Variants in GRM7 observed in about 807,000 individuals in gnomAD.
GRM7 encodes the protein glutamate metabotropic receptor 7.
GRM7 carries 35 observed loss-of-function variants against 84.5 expected under a neutral mutation model. That is an observed-to-expected ratio of 0.41 (90% CI 0.32 to 0.55). The LOEUF (loss-of-function observed/expected upper bound fraction) is 0.55, where lower values mean the gene tolerates loss of function less well. GRM7 is among the 20% of genes least tolerant of loss of function. GRM7 has a pLI of 0.19. For synonymous variants in GRM7, 487 were observed against 455.1 expected, an observed-to-expected ratio of 1.07 and a Z score of -0.89; for missense variants, 1,003 against 1,194.6, an observed-to-expected ratio of 0.84 and a Z score of 2.36.
intron 4 of GRM7, among the ~76,000 whole-genome samples, chr3:7,350,811 T>A (rs967954629): frequency 1.4e-4 from 21 of 152,144 alleles, no homozygotes; most frequent in Admixed American, 6.6e-4. Context: ...CCAAACAAAG[T>A]AAACCAGAGA....
rs557344412 is a variant in GRM7, at chr3:7,397,826, A to G, written c.1034-17197A>G. ...CTTGGGGGCTGGTGGTGGTACAGTT[A>G]GGGAATCTAGTAGGTGGAGGCCAGA... On this transcript the variant is annotated intron_variant, in intron 4 of 9. Transcript: ENST00000357716. 7.1e-4 allele frequency among the ~76,000 whole-genome samples: 108 copies of G among 152,240 alleles called. 1 individual carries two copies. The highest frequency in any genetic ancestry group is 2.6e-3 in the African/African-American group (106 of 41,548).
intron 5 of GRM7, among the ~76,000 whole-genome samples, chr3:7,448,710 G>A (rs1217459372): frequency 6.6e-6 from 1 of 152,088 alleles, no homozygotes; most frequent in Non-Finnish European, 1.5e-5. Flanking sequence ...TAATACGTAA[G>A]TCTTCTCAGA....
At chr3:7,475,276 C>A (rs1698875735) in intron 7 of GRM7, among the ~76,000 whole-genome samples, 1 of 152,158 alleles carries the variant, frequency 6.6e-6, no homozygotes, top group Non-Finnish European at 1.5e-5. Context: ...TTTATCTTAG[C>A]AGGGAACTTG....
At chr3:7,146,726 G>T in intron 2 of GRM7, 58 bp downstream of exon 2, 3 of 1,236,884 alleles carry the variant, frequency 2.4e-6, no homozygotes, top group East Asian at 4.7e-5. Context: ...GGCTTGTAGA[G>T]TTCTCTTCAA....
At position 6,861,802 on chromosome 3, in the gene GRM7, C is replaced by T. The variant is rs909354514; in HGVS notation, c.414C>T (p.Asn138=). 1 of 1,614,174 alleles carries T rather than the reference C, an allele frequency of 6.2e-7. No homozygotes were observed. Among genetic ancestry groups the T allele is most frequent in the Non-Finnish European group, 8.5e-7 (1 of 1,180,040 alleles). Residue 138 remains asparagine, a synonymous_variant, in exon 1 of 10, where the codon AAC becomes AAT. Transcript: ENST00000357716. This position sits in a 1 kb window ranked among gnomAD's most constrained non-coding sequence, Gnocchi z 6.4. ...QKDTSDVRCT[N]GEPPVFVKPE... ...ACACCTCCGACGTGCGCTGCACCAA[C>T]GGCGAACCGCCGGTTTTCGTCAAGC...
chr3:7,128,383 A>C (rs1693473392), intron 1 of GRM7, among the ~76,000 whole-genome samples: 1 of 151,808 alleles, frequency 6.6e-6, no homozygotes, highest in Non-Finnish European at 1.5e-5. Flanking sequence ...TCATTGCCTC[A>C]CGATGAAAGG....
chr3:6,900,885 T>A (rs568304543), intron 1 of GRM7, among the ~76,000 whole-genome samples: 1 of 152,322 alleles, frequency 6.6e-6, no homozygotes, highest in South Asian at 2.1e-4. Flanking sequence ...TGTGGCTATT[T>A]TTACAAGATC....
At chr3:6,915,609 T>C (rs1440022676) in intron 1 of GRM7, among the ~76,000 whole-genome samples, 2 of 152,246 alleles carry the variant, frequency 1.3e-5, no homozygotes, top group African/African-American at 2.4e-5. Flanking sequence ...CTCATGCTAA[T>C]ATGTTCTTTG....
At chr3:7,697,930 T>C (rs1701080940) in intron 9 of GRM7, among the ~76,000 whole-genome samples, 2 of 152,288 alleles carry the variant, frequency 1.3e-5, no homozygotes, top group Middle Eastern at 6.8e-3. Context: ...CCAGGCTTCT[T>C]GTGTTCGAAC....
chr3:7,418,366 T>C (rs1696258642), intron 5 of GRM7, among the ~76,000 whole-genome samples: 1 of 152,196 alleles, frequency 6.6e-6, no homozygotes, highest in South Asian at 2.1e-4. Flanking sequence ...GTTCAGCAAG[T>C]ATGTGGTTGT....
At chr3:7,733,515 T>C (rs559402438) in intron 9 of GRM7, among the ~76,000 whole-genome samples, 1 of 152,264 alleles carries the variant, frequency 6.6e-6, no homozygotes, top group East Asian at 1.9e-4. Flanking sequence ...TTGTAAACAC[T>C]TGTGGGGTGG....
chr3:7,203,457 T>C (rs575381541), intron 2 of GRM7, among the ~76,000 whole-genome samples: 4 of 152,328 alleles, frequency 2.6e-5, no homozygotes, highest in Admixed American at 1.3e-4. Context: ...TATATAGATA[T>C]AGATATATAT....
intron 8 of GRM7, among the ~76,000 whole-genome samples, chr3:7,599,800 G>C (rs1180702137): frequency 6.6e-6 from 1 of 152,070 alleles, no homozygotes; most frequent in Non-Finnish European, 1.5e-5. Context: ...TCAATTACCT[G>C]CTGTTGATTC....
At position 6,916,631 on chromosome 3, in the gene GRM7, G is replaced by A. The variant is rs950534113; in HGVS notation, c.519+54724G>A. On this transcript the variant is annotated intron_variant, in intron 1 of 9. Coordinates refer to ENST00000357716, the MANE Select transcript of GRM7 (RefSeq NM_000844.4). ...ACATGGTGGAAGGGGGGAACAAGCT[G>A]CCTCAGTCCTCTTATAAGGACACTA... 9.2e-5 allele frequency among the ~76,000 whole-genome samples: 14 copies of A among 152,220 alleles called. No individual in the cohort carries two copies. The East Asian group carries it at 2.7e-3, about 29-fold the overall frequency.
intron 2 of GRM7, among the ~76,000 whole-genome samples, chr3:7,292,728 A>T (rs555071437): frequency 0.094 from 13,981 of 148,542 alleles, 1,777 homozygotes; most frequent in African/African-American, 0.29. Flanking sequence ...TTTTTTTTTA[A>T]AAAAAAAAAC....
intron 8 of GRM7, among the ~76,000 whole-genome samples, chr3:7,614,331 A>G (rs904662163): frequency 6.6e-6 from 1 of 152,090 alleles, no homozygotes; most frequent in African/African-American, 2.4e-5. Flanking sequence ...TCAGAACATC[A>G]CTAACATCCC....
At chr3:7,113,450 A>G (rs1018618618) in intron 1 of GRM7, among the ~76,000 whole-genome samples, 2 of 152,092 alleles carry the variant, frequency 1.3e-5, no homozygotes, top group African/African-American at 4.8e-5. Context: ...ATATTTCAAC[A>G]TATTGCCCAG....
chr3:7,740,236 G>A (rs927237210), intron 9 of GRM7, 121 bp from the exon 10 acceptor site: 2 of 631,754 alleles, frequency 3.2e-6, no homozygotes, highest in Non-Finnish European at 5.5e-6. Flanking sequence ...GTCTGTGTGT[G>A]TTCTTCAGAG....
chr3:7,618,041 ATACC>A (rs1221463138), intron 8 of GRM7, among the ~76,000 whole-genome samples: 1 of 152,126 alleles, frequency 6.6e-6, no homozygotes, highest in Non-Finnish European at 1.5e-5. Context: ...GTGGTTAGAA[ATACC>A]TATAGCACAG....
Sources: allele counts gnomAD v4.1 joint callset (sites outside exome capture counted in the v4.1 genomes callset), GRCh38; gene constraint gnomAD v4.1.1; non-coding constraint Gnocchi (gnomAD v3.1); transcripts MANE v1.5; gene names NCBI Gene and HGNC (gene_info 2026-07-23, HGNC 2026-07-21).